WDR48: variants seen among roughly 807,000 people sequenced by gnomAD.
The protein encoded by WDR48 is WD repeat-containing protein 48.
A neutral mutation model predicts 94.0 loss-of-function variants in WDR48; 22 were observed. The ratio of observed to expected loss-of-function variants is 0.23; its 90% CI spans 0.17 to 0.33. The LOEUF is 0.33. Ranked by LOEUF, WDR48 falls within the 10% of genes least tolerant of loss-of-function variation. The pLI, the probability that WDR48 is intolerant of heterozygous loss-of-function variation, is 1.00. For synonymous variants in WDR48, 278 were observed against 280.5 expected (o/e 0.99, Z 0.09); for missense variants, 541 against 813.8 (o/e 0.66, Z 4.08).
rs565032064 is a variant in WDR48 at position 39,055,485 on chromosome 3, AAAAAT to A, written c.48+3423_48+3427del. Among the ~76,000 whole-genome samples the A allele has an allele frequency of 3.7e-4, 57 of 152,312 alleles. No homozygotes were observed. In the South Asian group the frequency reaches 8.7e-3, roughly 23 times the overall value. On this transcript the variant is annotated intron_variant, in intron 1 of 18. Transcript: ENST00000302313. Reference sequence around the variant, plus strand: ...GGGTGACAGAGCGAGACTCCATCTCAAAAATAAAATAAAATGATACTTAAAATCAG... The same window carrying A: ...GGGTGACAGAGCGAGACTCCATCTCAAAAATAAAATGATACTTAAAATCAG...
chr3:39,063,661 G>A (rs6768063), intron 2 of WDR48, among the ~76,000 whole-genome samples: 12,557 of 152,176 alleles, frequency 0.083, 734 homozygotes, highest in African/African-American at 0.16. Flanking sequence ...TACAAGGTTA[G>A]GCTGAGCATG....
chr3:39,078,330 A>G, intron 10 of WDR48, 91 bp downstream of exon 10: 2 of 876,444 alleles, frequency 2.3e-6, no homozygotes, highest in Non-Finnish European at 3.7e-6. Flanking sequence ...CTTTCTTTAA[A>G]TATAATCCTG....
intron 18 of WDR48, chr3:39,094,391 C>A: frequency 6.8e-7 from 1 of 1,478,688 alleles, no homozygotes; most frequent in South Asian, 1.3e-5. Flanking sequence ...TTTTTTAAAT[C>A]AAGATGCACT....
At chr3:39,070,395 A>G (rs760501463) in intron 7 of WDR48, among the ~76,000 whole-genome samples, 1 of 152,208 alleles carries the variant, frequency 6.6e-6, no homozygotes, top group Admixed American at 6.5e-5. Flanking sequence ...GAATGCAGTG[A>G]TAAGTCAGAG....
In WDR48 at chr3:39,084,821, C is replaced by CT. The variant is rs2034723777; in HGVS notation, c.1378+83dup. On this transcript the variant is annotated intron_variant, in intron 13 of 18. Coordinates refer to ENST00000302313, the MANE Select transcript of WDR48 (RefSeq NM_020839.4). ...GAGCTGTTTTTTGCTAAGTACTTATCTTTGTAAAAGTTCTCTATATTTTGT... is the reference window on the plus strand; with the variant it reads ...GAGCTGTTTTTTGCTAAGTACTTATCTTTTGTAAAAGTTCTCTATATTTTGT... The CT allele has an allele frequency of 5.5e-5, 69 of 1,248,742 alleles. 1 individual carries two copies. In the South Asian group the frequency reaches 9.3e-4, roughly 17 times the overall value. 77.4% of individuals were successfully genotyped at this position (1,248,742 alleles called of 1,614,324 possible).
At chr3:39,071,144 C>G (rs955964459) in intron 7 of WDR48, among the ~76,000 whole-genome samples, 2 of 152,100 alleles carry the variant, frequency 1.3e-5, no homozygotes, top group Non-Finnish European at 2.9e-5. Context: ...AATAAACATA[C>G]AGGATAGGAT....
chr3:39,076,138 G>T (rs1207098368), intron 8 of WDR48, among the ~76,000 whole-genome samples: 1 of 152,222 alleles, frequency 6.6e-6, no homozygotes, highest in Non-Finnish European at 1.5e-5. Context: ...TCAGACTGTT[G>T]TGTAGGAGGA....
Position 39,065,901 on chromosome 3 carries a change from T to C in WDR48, c.268+12T>C. 1 of 1,566,028 alleles carries C rather than the reference T, an allele frequency of 6.4e-7. No individual in the cohort carries two copies. Among genetic ancestry groups the C allele is most frequent in the African/African-American group, 1.4e-5 (1 of 71,814 alleles). ...TAATGGGAAAACATGTAAGTATTTC[T>C]TTGGATTATTATTGGGCTTCTGATA... On this transcript the variant is annotated intron_variant, in intron 3 of 18. Coordinates refer to ENST00000302313, the MANE Select transcript of WDR48 (RefSeq NM_020839.4).
At chr3:39,053,928 A>G (rs1376546161) in intron 1 of WDR48, among the ~76,000 whole-genome samples, 1 of 152,244 alleles carries the variant, frequency 6.6e-6, no homozygotes, top group African/African-American at 2.4e-5. Flanking sequence ...TTTGGTGTTC[A>G]GCACTTAGGA....
rs1474117751 is a variant in WDR48 at position 39,069,631 on chromosome 3, T to TA, written c.571-8dup. ...ATATTTAGTTTGTGTAATACTCTAT[T>TA]AAAATTCACAGGTGTTACGGGTATG... On this transcript the variant is annotated splice_polypyrimidine_tract_variant and intron_variant, in intron 6 of 18. Coordinates refer to ENST00000302313, the MANE Select transcript of WDR48 (RefSeq NM_020839.4). The TA allele has an allele frequency of 6.2e-7, 1 of 1,602,772 alleles. No homozygotes were observed.
chr3:39,088,727 G>T (rs1001397859), intron 15 of WDR48, among the ~76,000 whole-genome samples: 1 of 152,142 alleles, frequency 6.6e-6, no homozygotes, highest in Non-Finnish European at 1.5e-5. Flanking sequence ...GGCTGGACTG[G>T]TTCACCTCCA....
At chr3:39,052,281 C>CCGT in intron 1 of WDR48, 1 of 580,676 alleles carries the variant, frequency 1.7e-6, no homozygotes, top group Non-Finnish European at 3.0e-6. Context: ...GGGCCCAGGC[C>CCGT]CGGGACCCTC....
In WDR48 at chr3:39,094,895, C is replaced by T. The variant is rs909922068; in HGVS notation, c.*152C>T. 1 of 1,018,886 alleles carries T rather than the reference C, an allele frequency of 9.8e-7. No individual in the cohort carries two copies. Among genetic ancestry groups the T allele is most frequent in the Non-Finnish European group, 1.4e-6 (1 of 702,380 alleles). 63.1% of individuals were successfully genotyped at this position (1,018,886 alleles called of 1,614,324 possible). A position where few individuals can be genotyped will look rare whatever the true frequency, so the allele number is the denominator to read the frequency against. ...TTATCTTTCAATTGAAGTGACTAAT[C>T]GAGATGTAATATAGAAACCAGTCTC... is the stretch of plus-strand genomic sequence containing the variant. On this transcript the variant is annotated 3_prime_UTR_variant, in exon 19 of 19. Coordinates refer to ENST00000302313, the MANE Select transcript of WDR48 (RefSeq NM_020839.4).
At chr3:39,081,083 A>G (rs1406496259) in intron 11 of WDR48, among the ~76,000 whole-genome samples, 2 of 152,220 alleles carry the variant, frequency 1.3e-5, no homozygotes, top group Admixed American at 1.3e-4. Flanking sequence ...TGGGAAACTG[A>G]AAGCTGGAAG....
intron 6 of WDR48, 147 bp from the exon 7 acceptor site, chr3:39,069,496 G>A (rs1229589224): frequency 2.0e-5 from 12 of 592,532 alleles, no homozygotes; most frequent in Non-Finnish European, 2.8e-5. Flanking sequence ...ATTCCCTGAG[G>A]TTGGGAGGCT....
intron 1 of WDR48, among the ~76,000 whole-genome samples, chr3:39,061,360 T>C (rs2125639395): frequency 6.6e-6 from 1 of 152,170 alleles, no homozygotes; most frequent in African/African-American, 2.4e-5. Context: ...TTTGGTTTTC[T>C]GTCCTTGTGA....
intron 1 of WDR48, chr3:39,052,741 A>G (rs2032542565): frequency 6.6e-6 from 1 of 152,298 alleles, no homozygotes; most frequent in South Asian, 2.0e-4. Context: ...TTTATTGTCC[A>G]TGTGGTAAAG....
chr3:39,094,794 C>T lies in WDR48; in HGVS notation c.*51C>T. On this transcript the variant is annotated 3_prime_UTR_variant, in exon 19 of 19. Coordinates refer to ENST00000302313, the MANE Select transcript of WDR48 (RefSeq NM_020839.4). Reference sequence around the variant, plus strand: ...TCATTTACGACCTTCCTCTATGGCCCCAAGAGTAGTCCTAGGAAGCCCACT... The same window carrying T: ...TCATTTACGACCTTCCTCTATGGCCTCAAGAGTAGTCCTAGGAAGCCCACT... The T allele has an allele frequency of 6.2e-7, 1 of 1,607,482 alleles. No individual in the cohort carries two copies. Among genetic ancestry groups the T allele is most frequent in the East Asian group, 2.2e-5 (1 of 44,844 alleles).
At chr3:39,070,895 ATTG>A (rs1411091868) in intron 7 of WDR48, among the ~76,000 whole-genome samples, 1 of 151,560 alleles carries the variant, frequency 6.6e-6, no homozygotes, top group East Asian at 1.9e-4. Context: ...ATGTGTTCTT[ATTG>A]TTCAGTTCCC....
Sources: allele counts gnomAD v4.1 joint callset (sites outside exome capture counted in the v4.1 genomes callset), GRCh38; gene constraint gnomAD v4.1.1; transcripts MANE v1.5; gene names NCBI Gene and HGNC (gene_info 2026-07-23, HGNC 2026-07-21).